The following FBLIM1 variants were observed in gnomAD, a reference collection of about 807,000 sequenced individuals.
The protein encoded by FBLIM1 is filamin-binding LIM protein 1.
Under a neutral mutation model 37.4 loss-of-function variants are expected in FBLIM1, and 29 were observed. The ratio of observed to expected loss-of-function variants is 0.77; its 90% CI spans 0.58 to 1.06. The LOEUF is 1.06. Among genes scored for constraint, FBLIM1 ranks in the 50% least tolerant of loss-of-function variants. The probability of loss-of-function intolerance (pLI) is 0.00; values close to 1 mark genes in which losing one functional copy is unlikely to be tolerated. For missense variants in FBLIM1, 449 were observed against 505.6 expected, an observed-to-expected ratio of 0.89 and a Z score of 1.07; for synonymous variants, 193 against 199.0, an observed-to-expected ratio of 0.97 and a Z score of 0.25.
At chr1:15,768,191 G>GT in intron 4 of FBLIM1, among the ~76,000 whole-genome samples, 1 of 152,246 alleles carries the variant, frequency 6.6e-6, no homozygotes, top group Non-Finnish European at 1.5e-5. Flanking sequence ...CCAGGAACCT[G>GT]TTTTTTAACC....
chr1:15,781,126 T>C (rs2069623705), intron 8 of FBLIM1, among the ~76,000 whole-genome samples: 1 of 152,036 alleles, frequency 6.6e-6, no homozygotes, highest in Non-Finnish European at 1.5e-5. Flanking sequence ...CCCAGCACTT[T>C]GGGAGGCTGA....
upstream of FBLIM1, among the ~76,000 whole-genome samples, chr1:15,757,099 G>C (rs144813380): frequency 2.0e-5 from 3 of 152,314 alleles, no homozygotes; most frequent in African/African-American, 7.2e-5. This position sits in a 1 kb window ranked among gnomAD's most constrained non-coding sequence, Gnocchi z 4.1. Flanking sequence ...TGGAGTTTTG[G>C]GGGGCAGGGG....
rs552542101 is a variant in FBLIM1 at position 15,764,311 on chromosome 1, T to C, written c.-210-185T>C. Among the ~76,000 whole-genome samples the C allele has an allele frequency of 2.0e-5, 3 of 152,328 alleles. No homozygotes were observed. In the East Asian group the frequency reaches 5.8e-4, roughly 29 times the overall value. On this transcript the variant is annotated intron_variant, in intron 1 of 8. Coordinates refer to ENST00000375766, the MANE Select transcript of FBLIM1 (RefSeq NM_017556.4). ...TGATAGTGCCTGCCCTGCAGCCACC[T>C]TGTGAGTGTTTATGAGTTAATGAGC... is the stretch of plus-strand genomic sequence containing the variant.
At chr1:15,778,012 C>G (rs1246693098) in intron 8 of FBLIM1, among the ~76,000 whole-genome samples, 1 of 152,056 alleles carries the variant, frequency 6.6e-6, no homozygotes, top group African/African-American at 2.4e-5. Context: ...CTTAGAAACC[C>G]TAGGGGAAAG....
At chr1:15,780,243 A>G (rs909769032) in intron 8 of FBLIM1, among the ~76,000 whole-genome samples, 1 of 151,754 alleles carries the variant, frequency 6.6e-6, no homozygotes, top group Non-Finnish European at 1.5e-5. Flanking sequence ...TTGTTACCCA[A>G]GCTGGAGTAC....
At chr1:15,773,585 CAGG>C (rs1178354577) in intron 6 of FBLIM1, among the ~76,000 whole-genome samples, 2 of 148,820 alleles carry the variant, frequency 1.3e-5, no homozygotes, top group Admixed American at 6.9e-5. Context: ...GAGGCTGAGG[CAGG>C]AGAATTGCTT....
chr1:15,783,267 C>T (rs1183084423), intron 8 of FBLIM1, among the ~76,000 whole-genome samples: 2 of 152,168 alleles, frequency 1.3e-5, no homozygotes, highest in African/African-American at 4.8e-5. Context: ...GTTCCTCATT[C>T]TGAAATCCTT....
chr1:15,783,758 A>G (rs1300961699), intron 8 of FBLIM1, among the ~76,000 whole-genome samples: 1 of 151,238 alleles, frequency 6.6e-6, no homozygotes, highest in Non-Finnish European at 1.5e-5. Flanking sequence ...AGTTTTTTGT[A>G]TTTTTAGTAG....
intron 6 of FBLIM1, among the ~76,000 whole-genome samples, chr1:15,771,386 A>G (rs1450484901): frequency 6.6e-6 from 1 of 151,306 alleles, no homozygotes; most frequent in Non-Finnish European, 1.5e-5. Flanking sequence ...AGCTGGGACT[A>G]CAGGTGCCTG....
In FBLIM1 at chr1:15,774,732, A is replaced by C. The variant is rs767951513; in HGVS notation, c.826A>C (p.Ile276Leu). ...CFTCVTCARC[I>L]GDESFALGSQ... ...CACGTGTGTGACCTGCGCCCGGTGC[A>C]TTGGGGATGAGAGCTTTGCCCTGGG... The change falls in exon 7 of 9, where the codon ATT becomes CTT. Residue 276 changes from isoleucine (I) to leucine (L), a missense_variant. Ile to Leu is a conservative substitution (Grantham distance 5). Transcript: ENST00000375766. 3 of 1,614,044 alleles carry C rather than the reference A, an allele frequency of 1.9e-6. No homozygotes were observed. The highest frequency in any genetic ancestry group is 1.1e-5 in the South Asian group (1 of 91,076).
chr1:15,759,007 C>T (rs2068534293), intron 1 of FBLIM1, among the ~76,000 whole-genome samples, 159 bp downstream of exon 1: 2 of 152,112 alleles, frequency 1.3e-5, no homozygotes, highest in South Asian at 4.1e-4. Flanking sequence ...GGGTGCGGTC[C>T]TCACGCCCTT....
Position 15,764,635 on chromosome 1 carries a change from G to T in FBLIM1, c.-71G>T. ...GTCAGCCCTGCTGGGGCTGGGAGCT[G>T]AAGCATCTGTTCCTTCCTCGCGGGT... On this transcript the variant is annotated 5_prime_UTR_variant, in exon 2 of 9. Coordinates refer to ENST00000375766, the MANE Select transcript of FBLIM1 (RefSeq NM_017556.4). 1 of 248,420 alleles carries T rather than the reference G, an allele frequency of 4.0e-6. No homozygotes were observed. The highest frequency in any genetic ancestry group is 7.7e-6 in the Non-Finnish European group (1 of 130,614). 15.4% of individuals were successfully genotyped at this position (248,420 alleles called of 1,614,324 possible).
In FBLIM1 at chr1:15,776,998, C is replaced by T. The variant is rs78201525; in HGVS notation, c.891-172C>T. ...CGCTGGGAAACCAGGTCTCATTACA[C>T]AGGTCTCTCCACCTGCTCCTGCCAA... On this transcript the variant is annotated intron_variant, in intron 7 of 8. Transcript: ENST00000375766. 3.7e-3 allele frequency: 2,302 copies of T among 615,296 alleles called. 11 individuals carry two copies. Among genetic ancestry groups the T allele is most frequent in the Middle Eastern group, 0.015 (32 of 2,126 alleles). 38.1% of individuals were successfully genotyped at this position (615,296 alleles called of 1,614,324 possible). A position where few individuals can be genotyped will look rare whatever the true frequency, so the allele number is the denominator to read the frequency against.
At chr1:15,781,718 G>GTTTTTT (rs71002929) in intron 8 of FBLIM1, among the ~76,000 whole-genome samples, 4 of 111,414 alleles carry the variant, frequency 3.6e-5, no homozygotes, top group Non-Finnish European at 5.4e-5. Flanking sequence ...AGGTAGTATT[G>GTTTTTT]TTTTTTTTTT....
chr1:15,784,623 C>T lies in FBLIM1; in HGVS notation c.1084C>T (p.Pro362Ser), dbSNP rs1280771685. ...YPLNNHLFCK[P>S]CHVKRSAAGC... The stretch of plus-strand genomic sequence containing the variant: ...CCTGAACAACCATCTCTTCTGCAAG[C>T]CATGCCATGTGAAGCGGAGTGCTGC... The change falls in exon 9 of 9, where the codon CCA becomes TCA. Residue 362 changes from proline (P) to serine (S), a missense_variant. Transcript: ENST00000375766. 2 of 1,614,058 alleles carry T rather than the reference C, an allele frequency of 1.2e-6. No individual in the cohort carries two copies. The highest frequency in any genetic ancestry group is 2.7e-5 in the African/African-American group (2 of 74,948).
At chr1:15,776,866 C>CA (rs36071270) in intron 7 of FBLIM1, 6,425 of 68,678 alleles carry the variant, frequency 0.094, 212 homozygotes, top group African/African-American at 0.14. Context: ...AACTCCATCT[C>CA]AAAAAAAAAA....
rs534050253 is a variant in FBLIM1, at chr1:15,767,298, A to T, written c.251-78A>T. On this transcript the variant is annotated intron_variant, in intron 3 of 8. Transcript: ENST00000375766. ...ACCGGGGCCCTCAGCTTCCCTCTGT[A>T]TGGCCATGTAGGTAAGTAAAACCCT... The T allele has an allele frequency of 8.1e-6, 10 of 1,230,482 alleles. No homozygotes were observed. The African/African-American group carries it at 1.6e-4, about 20-fold the overall frequency. The allele number at this position is 1,230,482 out of a possible 1,614,324, so 76.2% of individuals were successfully genotyped here. A position where few individuals can be genotyped will look rare whatever the true frequency, so the allele number is the denominator to read the frequency against.
In FBLIM1 at chr1:15,778,671, A is replaced by T. The variant is rs541883887; in HGVS notation, c.1008+1384A>T. ...TTTTTTTTTTTTGAGATGGGATTTC[A>T]CTCGCGTTACCCAGGCTGGAGTGCA... On this transcript the variant is annotated intron_variant, in intron 8 of 8. Transcript: ENST00000375766. Among the ~76,000 whole-genome samples the T allele has an allele frequency of 3.3e-5, 5 of 151,168 alleles. No individual in the cohort carries two copies. In the East Asian group the frequency reaches 9.7e-4, roughly 29 times the overall value.
upstream of FBLIM1, chr1:15,757,827 C>T (rs891746811): frequency 5.9e-5 from 9 of 152,298 alleles, no homozygotes; most frequent in Non-Finnish European, 1.3e-4. This position sits in a 1 kb window ranked among gnomAD's most constrained non-coding sequence, Gnocchi z 4.1. Flanking sequence ...GCAGTCCATC[C>T]CGGCCCCATC....
Sources: gnomAD v4.1 joint callset for allele counts (sites outside exome capture counted in the v4.1 genomes callset) on GRCh38, gnomAD v4.1.1 for gene constraint, Gnocchi (gnomAD v3.1) non-coding constraint, MANE v1.5 for transcripts, NCBI Gene and HGNC (gene_info 2026-07-23, HGNC 2026-07-21) for gene names.